SLC45A2: variants seen among roughly 807,000 people sequenced by gnomAD.
SLC45A2 encodes the protein membrane-associated transporter protein.
Under a neutral mutation model 45.5 loss-of-function variants are expected in SLC45A2, and 36 were observed. The observed-to-expected ratio is 0.79, with a 90% CI of 0.61 to 1.04. The LOEUF (loss-of-function observed/expected upper bound fraction) is 1.04. Ranked by LOEUF, SLC45A2 falls within the 50% of genes least tolerant of loss-of-function variation. The probability of loss-of-function intolerance (pLI) is 0.00; values close to 1 mark genes in which losing one functional copy is unlikely to be tolerated. For missense variants in SLC45A2, 719 were observed against 671.0 expected, an observed-to-expected ratio of 1.07 and a Z score of -0.79; for synonymous variants, 306 against 269.3, an observed-to-expected ratio of 1.14 and a Z score of -1.33.
rs113928135 is a variant in SLC45A2, at chr5:33,954,352, G to C, written c.1032+9C>G. 6.2e-7 allele frequency: 1 copy of C among 1,613,976 alleles called. No homozygotes were observed. The highest frequency in any genetic ancestry group is 1.1e-5 in the South Asian group (1 of 91,082). ...TAACAGTGATTGTGTGCACAGACAC[G>C]TTCATTACCTGGCCCATGAAATCTG... On this transcript the variant is annotated intron_variant, in intron 4 of 6. Coordinates refer to ENST00000296589, the MANE Select transcript of SLC45A2 (RefSeq NM_016180.5).
chr5:33,974,900 A>G (rs1209128630), intron 2 of SLC45A2, among the ~76,000 whole-genome samples: 1 of 151,952 alleles, frequency 6.6e-6, no homozygotes, highest in Non-Finnish European at 1.5e-5. Context: ...CTGCATATAT[A>G]TATGTGCAGG....
At chr5:33,981,415 CATAA>C (rs577389125) in intron 2 of SLC45A2, among the ~76,000 whole-genome samples, 177 of 152,254 alleles carry the variant, frequency 1.2e-3, no homozygotes, top group African/African-American at 4.3e-3. Flanking sequence ...TACATCAAAA[CATAA>C]ATAAAGGCAT....
chr5:33,973,162 T>G (rs1402130170), intron 2 of SLC45A2, among the ~76,000 whole-genome samples: 1 of 152,172 alleles, frequency 6.6e-6, no homozygotes. Flanking sequence ...GGAAAGCACT[T>G]TCGAGCAGAG....
At chr5:33,958,759 G>A (rs894209003) in intron 3 of SLC45A2, among the ~76,000 whole-genome samples, 2 of 151,960 alleles carry the variant, frequency 1.3e-5, no homozygotes, top group Non-Finnish European at 2.9e-5. Context: ...TAGAAAGTTC[G>A]TTGTATCTGT....
At chr5:33,983,934 C>A (rs973419310) in intron 1 of SLC45A2, among the ~76,000 whole-genome samples, 10 of 152,082 alleles carry the variant, frequency 6.6e-5, no homozygotes, top group Non-Finnish European at 1.3e-4. Flanking sequence ...AAAATAGATA[C>A]AAATTTAATA....
intron 2 of SLC45A2, among the ~76,000 whole-genome samples, chr5:33,969,065 C>CTGTGTGTGTGTGTGTGTGTGTG (rs66961145): frequency 4.9e-5 from 5 of 102,392 alleles, no homozygotes; most frequent in African/African-American, 1.9e-4. Context: ...CTCTCTCTCT[C>CTGTGTGTGTGTGTGTGTGTGTG]TGTGTGTGTG....
chr5:33,946,328 AAAC>A, intron 6 of SLC45A2: 1 of 985,440 alleles, frequency 1.0e-6, no homozygotes, highest in Middle Eastern at 5.2e-4. Flanking sequence ...AAATGATGAA[AAAC>A]ATGGCCAGAA....
In SLC45A2 at chr5:33,984,347, G is replaced by A; in HGVS notation, c.237C>T (p.Ile79=). The A allele has an allele frequency of 6.2e-7, 1 of 1,614,114 alleles. No individual in the cohort carries two copies. ...CCACGGGCTGCAGCAGGAATCCCAG[G>A]ATGGGGCTGAGGAACCACACAATGC... ...LYSIVWFLSP[I]LGFLLQPVVG... is the part of the protein sequence containing the mutation. Residue 79 remains isoleucine, a synonymous_variant, in exon 1 of 7, where the codon ATC becomes ATT. Transcript: ENST00000296589.
Position 33,951,666 on chromosome 5 carries a change from G to A in SLC45A2, c.1044C>T (p.Arg348=), listed in dbSNP as rs533984191. The A allele has an allele frequency of 2.7e-5, 44 of 1,614,126 alleles. No homozygotes were observed. In the East Asian group the frequency reaches 4.0e-4, roughly 15 times the overall value. The change falls in exon 5 of 7, where the codon CGC becomes CGT. Residue 348 remains arginine, a synonymous_variant. Transcript: ENST00000296589. ...AGTTGTGTGCACTATAGGGATCCCC[G>A]CGGTACACAATCTGAAAGAGAGATT... ...FTDFMGQIVY[R]GDPYSAHNST...
At chr5:33,952,520 A>G (rs925761628) in intron 4 of SLC45A2, among the ~76,000 whole-genome samples, 1 of 151,976 alleles carries the variant, frequency 6.6e-6, no homozygotes, top group African/African-American at 2.4e-5. Context: ...TCTCTGTAGT[A>G]AATCCAAGTC....
chr5:33,963,598 G>T, intron 3 of SLC45A2, 93 bp downstream of exon 3: 1 of 1,451,498 alleles, frequency 6.9e-7, no homozygotes, highest in Non-Finnish European at 9.6e-7. Context: ...AACTCTTCTC[G>T]TCAAACAGAC....
intron 4 of SLC45A2, among the ~76,000 whole-genome samples, chr5:33,952,665 T>A (rs1002414367): frequency 6.9e-6 from 1 of 144,962 alleles, no homozygotes; most frequent in Non-Finnish European, 1.5e-5. Context: ...TAATTTCTAT[T>A]GAGCAAAAGT....
chr5:33,963,971 G>A lies in SLC45A2; in HGVS notation c.608C>T (p.Ala203Val), dbSNP rs778521952. 14 of 1,614,056 alleles carry A rather than the reference G, an allele frequency of 8.7e-6. No individual in the cohort carries two copies. Among genetic ancestry groups the A allele is most frequent in the East Asian group, 2.2e-5 (1 of 44,886 alleles). Reference protein sequence around the residue: ...LGYLLGAIDWAHLELGRLLGT... With the variant: ...LGYLLGAIDWVHLELGRLLGT... ...CAACAGTCTTCCCAGCTCCAGATGG[G>A]CCCAGTCTATAGCACCCAAAAGGTA... The change falls in exon 3 of 7, where the codon GCC (alanine) becomes GTC (valine). Residue 203 changes from alanine to valine, a missense_variant. Physicochemically the swap from Ala to Val is moderately conservative, Grantham distance 64. Transcript: ENST00000296589.
intron 2 of SLC45A2, among the ~76,000 whole-genome samples, chr5:33,964,639 A>T (rs886844477): frequency 4.6e-5 from 7 of 152,192 alleles, no homozygotes; most frequent in Admixed American, 4.6e-4. Context: ...TGAATTTTTA[A>T]AAATCCTATT....
At chr5:33,983,445 T>C (rs1231714800) in intron 1 of SLC45A2, among the ~76,000 whole-genome samples, 1 of 152,242 alleles carries the variant, frequency 6.6e-6, no homozygotes, top group Non-Finnish European at 1.5e-5. Flanking sequence ...TTTTTGTTCA[T>C]TCTCCTGGAA....
At chr5:33,969,063 C>CTGTG (rs1400585496) in intron 2 of SLC45A2, among the ~76,000 whole-genome samples, 42 of 62,854 alleles carry the variant, frequency 6.7e-4, no homozygotes, top group African/African-American at 2.3e-3. Context: ...CTCTCTCTCT[C>CTGTG]TCTGTGTGTG....
At position 33,982,685 on chromosome 5, in the gene SLC45A2, G is replaced by T. The variant is rs190647956; in HGVS notation, c.386-273C>A. Among the ~76,000 whole-genome samples the T allele has an allele frequency of 5.8e-4, 88 of 152,234 alleles. 2 individuals carry two copies. In the East Asian group the frequency reaches 0.016, roughly 28 times the overall value. ...TGGACGTGACTATTGATGGTAATGG[G>T]TTTATTTTGGGGGTGATGAAAATGT... On this transcript the variant is annotated intron_variant, in intron 1 of 6. Transcript: ENST00000296589.
chr5:33,961,339 T>A (rs949450202), intron 3 of SLC45A2, among the ~76,000 whole-genome samples: 1 of 152,214 alleles, frequency 6.6e-6, no homozygotes, highest in African/African-American at 2.4e-5. Context: ...TTTTAGTTCC[T>A]ATGCTGGCAT....
At chr5:33,980,205 C>T (rs984865377) in intron 2 of SLC45A2, among the ~76,000 whole-genome samples, 4 of 151,950 alleles carry the variant, frequency 2.6e-5, no homozygotes, top group Non-Finnish European at 2.9e-5. Context: ...ACTTAATCAC[C>T]GAACCCCCCT....
Sources: allele counts gnomAD v4.1 joint callset (sites outside exome capture counted in the v4.1 genomes callset), GRCh38; gene constraint gnomAD v4.1.1; transcripts MANE v1.5; gene names NCBI Gene and HGNC (gene_info 2026-07-23, HGNC 2026-07-21).